Variants in ANKRD12 observed in about 807,000 individuals in gnomAD.
ANKRD12 encodes ankyrin repeat domain-containing protein 12.
ANKRD12 carries 85 observed loss-of-function variants against 183.4 expected under a neutral mutation model. That is an observed-to-expected ratio of 0.46 (90% CI 0.39 to 0.56). The LOEUF (loss-of-function observed/expected upper bound fraction) is 0.56, where lower values mean the gene tolerates loss of function less well. ANKRD12 is among the 20% of genes least tolerant of loss of function. ANKRD12 has a pLI of 0.00. For synonymous variants in ANKRD12, 914 were observed against 800.2 expected, an observed-to-expected ratio of 1.14 and a Z score of -2.40; for missense variants, 2,405 against 2,357.1, an observed-to-expected ratio of 1.02 and a Z score of -0.42.
At chr18:9,278,090 A>T (rs1034558967) in intron 11 of ANKRD12, among the ~76,000 whole-genome samples, 1 of 152,206 alleles carries the variant, frequency 6.6e-6, no homozygotes, top group African/African-American at 2.4e-5. Flanking sequence ...TGGGGGAAGA[A>T]ATTCAGCTTG....
At chr18:9,208,865 CGTCTT>C in intron 5 of ANKRD12, 62 bp downstream of exon 5, 1 of 1,364,254 alleles carries the variant, frequency 7.3e-7, no homozygotes. Context: ...ACTGTAGTCT[CGTCTT>C]AACAATTATT....
intron 1 of ANKRD12, among the ~76,000 whole-genome samples, chr18:9,157,555 GT>G (rs1568231093): frequency 4.8e-5 from 4 of 84,172 alleles, no homozygotes; most frequent in Non-Finnish European, 9.5e-5. Flanking sequence ...GTGTGGGTGT[GT>G]GTGTGTGTGT....
chr18:9,279,366 C>A (rs546561030), intron 11 of ANKRD12, among the ~76,000 whole-genome samples, 183 bp from the exon 12 acceptor site: 1 of 152,162 alleles, frequency 6.6e-6, no homozygotes, highest in South Asian at 2.1e-4. Flanking sequence ...TTCTAATAAC[C>A]AATCTGTCTA....
At chr18:9,171,196 C>G (rs2032689760) in intron 1 of ANKRD12, among the ~76,000 whole-genome samples, 1 of 152,166 alleles carries the variant, frequency 6.6e-6, no homozygotes, top group African/African-American at 2.4e-5. Flanking sequence ...AGATCTCAAG[C>G]TGTGTGCTGG....
intron 7 of ANKRD12, among the ~76,000 whole-genome samples, chr18:9,221,280 AT>A (rs2036405640): frequency 6.6e-6 from 1 of 152,184 alleles, no homozygotes; most frequent in Admixed American, 6.5e-5. Context: ...TTTCAAAGTG[AT>A]GACTACAACA....
At chr18:9,270,259 C>G (rs2039522265) in intron 10 of ANKRD12, among the ~76,000 whole-genome samples, 1 of 152,200 alleles carries the variant, frequency 6.6e-6, no homozygotes, top group Admixed American at 6.5e-5. Context: ...CATCCCATTA[C>G]TGGGTATATA....
intron 1 of ANKRD12, among the ~76,000 whole-genome samples, chr18:9,174,236 T>C (rs1163111553): frequency 6.6e-6 from 1 of 152,236 alleles, no homozygotes; most frequent in African/African-American, 2.4e-5. Context: ...AGGCAGTCTC[T>C]AGCCTGTTGC....
intron 10 of ANKRD12, among the ~76,000 whole-genome samples, chr18:9,272,089 A>G (rs976060564): frequency 6.6e-6 from 1 of 152,208 alleles, no homozygotes; most frequent in Non-Finnish European, 1.5e-5. Context: ...GAAGCAATAC[A>G]TTGGCACACC....
chr18:9,159,912 C>T (rs2031166315), intron 1 of ANKRD12, among the ~76,000 whole-genome samples: 2 of 151,936 alleles, frequency 1.3e-5, no homozygotes, highest in Admixed American at 6.6e-5. Context: ...TCAAGTGATC[C>T]TCCTGCCTCA....
intron 10 of ANKRD12, among the ~76,000 whole-genome samples, chr18:9,264,543 A>AT (rs1351591718): frequency 6.6e-6 from 1 of 152,082 alleles, no homozygotes; most frequent in African/African-American, 2.4e-5. Context: ...CAGGTTCTTA[A>AT]TTTTTTTCCT....
At chr18:9,203,189 C>T (rs940575741) in intron 3 of ANKRD12, among the ~76,000 whole-genome samples, 4 of 152,134 alleles carry the variant, frequency 2.6e-5, no homozygotes, top group Admixed American at 6.5e-5. Flanking sequence ...TTTTACCATT[C>T]AGCCCATTTA....
Position 9,258,523 on chromosome 18 carries a change from T to C in ANKRD12, c.5256T>C (p.Ala1752=), listed in dbSNP as rs2038776724. 3.1e-6 allele frequency: 5 copies of C among 1,613,794 alleles called. No individual in the cohort carries two copies. Among genetic ancestry groups the C allele is most frequent in the Non-Finnish European group, 3.4e-6 (4 of 1,179,934 alleles). Residue 1752 remains alanine (A), a synonymous_variant, in exon 9 of 13, where the codon GCT becomes GCC. Transcript: ENST00000262126. ...CAAATCAAAGCAAACAGATTCTTGCTAGCTGTACACTATTATCAGAAAAAG... is the reference window on the plus strand; with the variant it reads ...CAAATCAAAGCAAACAGATTCTTGCCAGCTGTACACTATTATCAGAAAAAG... ...TMANQSKQIL[A]SCTLLSEKDS...
intron 8 of ANKRD12, among the ~76,000 whole-genome samples, chr18:9,225,867 C>CACTA (rs1342943095): frequency 6.6e-6 from 1 of 151,978 alleles, no homozygotes; most frequent in Non-Finnish European, 1.5e-5. Context: ...ATCCTGTACC[C>CACTA]ACTAACTACA....
chr18:9,181,643 A>G (rs1475529430), intron 1 of ANKRD12, among the ~76,000 whole-genome samples: 4 of 152,192 alleles, frequency 2.6e-5, no homozygotes, highest in African/African-American at 9.7e-5. Flanking sequence ...TGCCACATGT[A>G]GGTAATAGAT....
chr18:9,213,509 G>T (rs1034285162), intron 6 of ANKRD12, among the ~76,000 whole-genome samples: 1 of 151,846 alleles, frequency 6.6e-6, no homozygotes, highest in Non-Finnish European at 1.5e-5. Context: ...ATAGGAACTC[G>T]TTGAAGGAAA....
chr18:9,149,007 C>G (rs371599568), intron 1 of ANKRD12, among the ~76,000 whole-genome samples: 15 of 152,180 alleles, frequency 9.9e-5, no homozygotes, highest in Admixed American at 9.8e-4. Flanking sequence ...ATATGCTTAT[C>G]CTCCTCCCAC....
intron 1 of ANKRD12, among the ~76,000 whole-genome samples, chr18:9,175,104 G>A (rs546843592): frequency 5.9e-5 from 9 of 152,096 alleles, no homozygotes; most frequent in South Asian, 2.1e-4. Context: ...ACAGGCGTGC[G>A]TCACCACTCC....
chr18:9,214,967 C>G lies in ANKRD12; in HGVS notation c.653-1791C>G, dbSNP rs934737471. Among the ~76,000 whole-genome samples the G allele has an allele frequency of 2.6e-5, 4 of 152,080 alleles. No homozygotes were observed. In the East Asian group the frequency reaches 7.7e-4, roughly 29 times the overall value. On this transcript the variant is annotated intron_variant, in intron 6 of 12. Transcript: ENST00000262126. ...AACAATTTTAAGGAAGATCAGGGAT[C>G]TAAAGCTGGGGAATTTAACGCCAGC...
intron 1 of ANKRD12, among the ~76,000 whole-genome samples, chr18:9,177,955 TATTG>T (rs2033405919): frequency 6.6e-6 from 1 of 150,412 alleles, no homozygotes; most frequent in African/African-American, 2.5e-5. Context: ...TTGTTTATCT[TATTG>T]ATTCATAAGA....
Sources: allele counts gnomAD v4.1 joint callset (sites outside exome capture counted in the v4.1 genomes callset), GRCh38; gene constraint gnomAD v4.1.1; transcripts MANE v1.5; gene names NCBI Gene and HGNC (gene_info 2026-07-23, HGNC 2026-07-21).